Variants in GFM2 observed in about 807,000 individuals in gnomAD.
The protein encoded by GFM2 is ribosome-releasing factor 2, mitochondrial.
A neutral mutation model predicts 95.4 loss-of-function variants in GFM2; 72 were observed. The ratio of observed to expected loss-of-function variants is 0.76; its 90% CI spans 0.62 to 0.92. The LOEUF (loss-of-function observed/expected upper bound fraction) is 0.92. Among genes scored for constraint, GFM2 ranks in the 40% least tolerant of loss-of-function variants. The pLI is 0.00. For synonymous variants in GFM2, 276 were observed against 317.5 expected (o/e 0.87, Z 1.39); for missense variants, 825 against 924.1 (o/e 0.89, Z 1.39).
chr5:74,761,158 G>C (rs1235783971), intron 2 of GFM2, among the ~76,000 whole-genome samples, 172 bp from the exon 3 acceptor site: 1 of 152,094 alleles, frequency 6.6e-6, no homozygotes, highest in African/African-American at 2.4e-5. Flanking sequence ...ATATATCCTA[G>C]GGGAAAGAAT....
intron 5 of GFM2, among the ~76,000 whole-genome samples, chr5:74,755,112 A>G (rs1159667306): frequency 6.6e-6 from 1 of 152,170 alleles, no homozygotes; most frequent in African/African-American, 2.4e-5. Context: ...GAGACAATGG[A>G]TTTAAACTAT....
chr5:74,738,164 G>A (rs1360796639), intron 14 of GFM2, among the ~76,000 whole-genome samples, 154 bp downstream of exon 14: 2 of 152,056 alleles, frequency 1.3e-5, no homozygotes, highest in East Asian at 1.9e-4. Flanking sequence ...GTAAATGTAT[G>A]AGATTCAGCC....
At chr5:74,723,341 C>T (rs1303449075) in intron 19 of GFM2, among the ~76,000 whole-genome samples, 2 of 152,158 alleles carry the variant, frequency 1.3e-5, no homozygotes, top group Non-Finnish European at 2.9e-5. Context: ...TCTGAATATC[C>T]GGCAGCTCTC....
chr5:74,758,803 T>C (rs1367526272), intron 5 of GFM2, 46 bp downstream of exon 5: 1 of 1,190,550 alleles, frequency 8.4e-7, no homozygotes. Flanking sequence ...TTTCCAATGA[T>C]GCTTTTGCTA....
intron 4 of GFM2, among the ~76,000 whole-genome samples, 186 bp downstream of exon 4, chr5:74,759,183 G>A (rs189200221): frequency 5.1e-4 from 77 of 151,568 alleles, no homozygotes; most frequent in Non-Finnish European, 9.0e-4. Context: ...AAAGTGTGCT[G>A]TTGTTACATT....
At chr5:74,765,394 C>T (rs1357644148) in intron 1 of GFM2, among the ~76,000 whole-genome samples, 1 of 152,030 alleles carries the variant, frequency 6.6e-6, no homozygotes, top group Non-Finnish European at 1.5e-5. Flanking sequence ...ACAAAAGTAA[C>T]GAATACAATA....
chr5:74,724,082 T>A (rs1479717865), intron 19 of GFM2, among the ~76,000 whole-genome samples: 1 of 152,138 alleles, frequency 6.6e-6, no homozygotes, highest in Admixed American at 6.6e-5. Context: ...AGTACTTCCA[T>A]TAGGAGTGTT....
chr5:74,758,008 T>C (rs1744087832), intron 5 of GFM2, among the ~76,000 whole-genome samples: 1 of 152,148 alleles, frequency 6.6e-6, no homozygotes, highest in African/African-American at 2.4e-5. Context: ...TTTTGAAGAT[T>C]GGTTGCACAA....
chr5:74,722,540 G>C lies in GFM2; in HGVS notation c.2050C>G (p.Gln684Glu). The part of the protein sequence containing the change: ...VQKALKKADK[Q>E]VLEPLMNLEV... ...AGATTCATCAGAGGCTCCAAAACTT[G>C]CTTATCAGCTTTCTTCAGAGCCTAA... The change falls in exon 20 of 21, where the codon CAA (glutamine) becomes GAA (glutamate). Residue 684 changes from glutamine (Q) to glutamate (E), a missense_variant. Gln to Glu is a conservative substitution (Grantham distance 29). Transcript: ENST00000296805. 2 of 1,612,152 alleles carry C rather than the reference G, an allele frequency of 1.2e-6. No individual in the cohort carries two copies. The highest frequency in any genetic ancestry group is 1.3e-5 in the African/African-American group (1 of 74,762).
chr5:74,762,592 G>A (rs1257683543), intron 2 of GFM2, among the ~76,000 whole-genome samples: 2 of 152,108 alleles, frequency 1.3e-5, no homozygotes. Flanking sequence ...TTCACTTAAA[G>A]GGAGCACTTT....
rs1303069720 is a variant in GFM2 at position 74,741,705 on chromosome 5, C to G, written c.850-96G>C. The G allele has an allele frequency of 5.0e-6, 3 of 605,636 alleles. No homozygotes were observed. The African/African-American group carries it at 5.8e-5, about 12-fold the overall frequency. The allele number at this position is 605,636 out of a possible 1,614,324, so 37.5% of individuals were successfully genotyped here. A position where few individuals can be genotyped will look rare whatever the true frequency, so the allele number is the denominator to read the frequency against. Reference sequence around the variant, plus strand: ...ATAAACAGACAATATTCAAATATTTCAAGACAGCTACCTTACCTAGGCCAA... The same window carrying G: ...ATAAACAGACAATATTCAAATATTTGAAGACAGCTACCTTACCTAGGCCAA... On this transcript the variant is annotated intron_variant, in intron 10 of 20. Coordinates refer to ENST00000296805, the MANE Select transcript of GFM2 (RefSeq NM_032380.5).
intron 15 of GFM2, 31 bp from the exon 16 acceptor site, chr5:74,733,129 T>A: frequency 6.8e-7 from 1 of 1,476,806 alleles, no homozygotes; most frequent in South Asian, 1.1e-5. Flanking sequence ...ATCTTTACAT[T>A]TCATTTTTTA....
intron 19 of GFM2, among the ~76,000 whole-genome samples, chr5:74,722,881 A>G (rs949749133): frequency 3.3e-5 from 5 of 152,116 alleles, no homozygotes; most frequent in Non-Finnish European, 7.4e-5. Context: ...TGATGTCTAT[A>G]ATTACAGTCC....
Position 74,721,638 on chromosome 5 carries a change from T to C in GFM2, c.*17A>G, listed in dbSNP as rs370638683. ...GTAGCTAGGTGCTCCTGAATTTCTC[T>C]CCAAAAACTAAAACATTTAGGTCAA... On this transcript the variant is annotated 3_prime_UTR_variant, in exon 21 of 21. Coordinates refer to ENST00000296805, the MANE Select transcript of GFM2 (RefSeq NM_032380.5). The C allele has an allele frequency of 4.4e-5, 70 of 1,603,890 alleles. No individual in the cohort carries two copies. The African/African-American group carries it at 9.0e-4, about 21-fold the overall frequency.
At chr5:74,759,348 T>A (rs1170920313) in intron 4 of GFM2, 21 bp downstream of exon 4, 1 of 1,370,472 alleles carries the variant, frequency 7.3e-7, no homozygotes, top group Non-Finnish European at 1.0e-6. Flanking sequence ...TGGAAAAGCA[T>A]GATATAATGA....
At chr5:74,757,478 T>C (rs1744047462) in intron 5 of GFM2, among the ~76,000 whole-genome samples, 2 of 152,108 alleles carry the variant, frequency 1.3e-5, no homozygotes. Context: ...TAAAAACACA[T>C]GGAATATTAT....
chr5:74,722,423 C>T lies in GFM2; in HGVS notation c.2167G>A (p.Asp723Asn). Residue 723 changes from aspartate to asparagine, a missense_variant, in exon 20 of 21, where the codon GAC becomes AAC. Coordinates refer to ENST00000296805, the MANE Select transcript of GFM2 (RefSeq NM_032380.5). ...ACAAATCCAATAACAACTTTGTTGT[C>T]CTGGCGAGTCTGAATTTCCTGAATG... ...GNIQEIQTRQ[D>N]NKVVIGFVPL... 6.2e-7 allele frequency: 1 copy of T among 1,613,966 alleles called. No homozygotes were observed. The highest frequency in any genetic ancestry group is 8.5e-7 in the Non-Finnish European group (1 of 1,179,910).
At chr5:74,754,548 A>T (rs1030501963) in intron 5 of GFM2, among the ~76,000 whole-genome samples, 2 of 152,210 alleles carry the variant, frequency 1.3e-5, no homozygotes, top group African/African-American at 4.8e-5. Context: ...ACCAAAAGTG[A>T]GCAGGAATAA....
intron 2 of GFM2, among the ~76,000 whole-genome samples, chr5:74,763,042 G>A (rs183365070): frequency 1.1e-4 from 16 of 152,250 alleles, no homozygotes; most frequent in Admixed American, 1.0e-3. Context: ...CTCTCACTTA[G>A]CTATAGATAA....
Sources: gnomAD v4.1 joint callset for allele counts (sites outside exome capture counted in the v4.1 genomes callset) on GRCh38, gnomAD v4.1.1 for gene constraint, MANE v1.5 for transcripts, NCBI Gene and HGNC (gene_info 2026-07-23, HGNC 2026-07-21) for gene names.